PRKAG2: variants seen among roughly 807,000 people sequenced by gnomAD.
The protein encoded by PRKAG2 is 5'-AMP-activated protein kinase subunit gamma-2.
In PRKAG2, 26 loss-of-function variants were observed where a neutral mutation model predicts 69.6. The ratio of observed to expected loss-of-function variants is 0.37; its 90% CI spans 0.27 to 0.52. The LOEUF is 0.52. PRKAG2 is among the 20% of genes least tolerant of loss of function. The pLI is 0.90. For missense variants in PRKAG2, 557 were observed against 740.0 expected, an observed-to-expected ratio of 0.75 and a Z score of 2.87; for synonymous variants, 293 against 285.0, an observed-to-expected ratio of 1.03 and a Z score of -0.28.
chr7:151,757,709 C>T (rs372083290), intron 3 of PRKAG2, among the ~76,000 whole-genome samples: 14 of 152,180 alleles, frequency 9.2e-5, no homozygotes, highest in South Asian at 2.1e-4. Flanking sequence ...GCGTTCCAGA[C>T]GCATTCTGCT....
At chr7:151,727,458 G>A (rs1798172599) in intron 3 of PRKAG2, among the ~76,000 whole-genome samples, 1 of 152,182 alleles carries the variant, frequency 6.6e-6, no homozygotes, top group South Asian at 2.1e-4. Flanking sequence ...GGCAGCAGGA[G>A]ACCAGAGCTG....
chr7:151,655,395 C>G (rs1375129373), intron 4 of PRKAG2, among the ~76,000 whole-genome samples: 2 of 152,190 alleles, frequency 1.3e-5, no homozygotes, highest in African/African-American at 2.4e-5. Context: ...GCAGAATCAC[C>G]TGTGTGTGAA....
intron 1 of PRKAG2, among the ~76,000 whole-genome samples, chr7:151,826,646 G>T (rs778155623): frequency 6.6e-6 from 1 of 152,140 alleles, no homozygotes; most frequent in Non-Finnish European, 1.5e-5. Context: ...TCAAGAAAAA[G>T]TAATGACTGT....
At chr7:151,749,358 C>T (rs1021442355) in intron 3 of PRKAG2, among the ~76,000 whole-genome samples, 1 of 152,140 alleles carries the variant, frequency 6.6e-6, no homozygotes, top group African/African-American at 2.4e-5. Context: ...CTGTAGTCCC[C>T]GGTATCCACC....
Position 151,570,034 on chromosome 7 carries a change from G to A in PRKAG2, c.1106+137C>T, listed in dbSNP as rs548880838. ...TAGTGTTCCTAGATTTACTGAATGC[G>A]TACAGTGTAGCTGGAATTAAGGAGG... is the stretch of plus-strand genomic sequence containing the variant. On this transcript the variant is annotated intron_variant, in intron 10 of 15. Transcript: ENST00000287878. The A allele has an allele frequency of 7.6e-5, 75 of 989,008 alleles. No individual in the cohort carries two copies. In the South Asian group the frequency reaches 7.7e-4, roughly 10 times the overall value. 61.3% of individuals were successfully genotyped at this position (989,008 alleles called of 1,614,324 possible).
chr7:151,575,985 A>T (rs374921296), intron 7 of PRKAG2, among the ~76,000 whole-genome samples: 7 of 142,376 alleles, frequency 4.9e-5, no homozygotes, highest in Non-Finnish European at 7.6e-5. Flanking sequence ...AAAGCAAGGA[A>T]TTTTTTTTTT....
At chr7:151,805,587 T>C (rs1020436344) in intron 1 of PRKAG2, among the ~76,000 whole-genome samples, 2 of 152,224 alleles carry the variant, frequency 1.3e-5, no homozygotes, top group African/African-American at 2.4e-5. Flanking sequence ...CTGGGAATCA[T>C]GGGAGTTCCT....
chr7:151,874,656 G>A (rs1341271651), intron 1 of PRKAG2, among the ~76,000 whole-genome samples: 1 of 152,176 alleles, frequency 6.6e-6, no homozygotes, highest in East Asian at 1.9e-4. Context: ...AGGTCAAGGT[G>A]GGCGGGTCAC....
At chr7:151,736,131 C>A in intron 3 of PRKAG2, 1 of 1,475,882 alleles carries the variant, frequency 6.8e-7, no homozygotes, top group South Asian at 1.3e-5. Context: ...GAGTGGCAGC[C>A]TGTGCTCAGG....
At chr7:151,723,669 T>C (rs879708426) in intron 3 of PRKAG2, among the ~76,000 whole-genome samples, 7 of 152,098 alleles carry the variant, frequency 4.6e-5, no homozygotes, top group Non-Finnish European at 1.0e-4. Flanking sequence ...TGGCAGTAGG[T>C]CCCCCTGTGA....
intron 2 of PRKAG2, among the ~76,000 whole-genome samples, chr7:151,783,094 CG>C (rs2076808472): frequency 6.6e-6 from 1 of 152,186 alleles, no homozygotes; most frequent in East Asian, 1.9e-4. Context: ...GACGTTCTTC[CG>C]CCACTAGAGG....
chr7:151,635,754 T>C (rs1339227123), intron 4 of PRKAG2, among the ~76,000 whole-genome samples: 2 of 152,214 alleles, frequency 1.3e-5, no homozygotes, highest in East Asian at 3.8e-4. Context: ...GTGACCGAAC[T>C]GTTCTACATC....
intron 1 of PRKAG2, among the ~76,000 whole-genome samples, chr7:151,804,430 C>G (rs111624277): frequency 0.013 from 2,039 of 152,242 alleles, 47 homozygotes; most frequent in African/African-American, 0.047. Context: ...CAACAGATCT[C>G]GTGAGAACTC....
chr7:151,607,532 C>A (rs1300700104), intron 5 of PRKAG2, among the ~76,000 whole-genome samples: 1 of 152,076 alleles, frequency 6.6e-6, no homozygotes, highest in Non-Finnish European at 1.5e-5. Flanking sequence ...TTCCAAAGCA[C>A]TGTGGTTATA....
rs74531401 is a variant in PRKAG2, at chr7:151,823,035, C to A, written c.115-36494G>T. ...GACCTGGTTTTCAGACCCCACCCCA[C>A]CCCACCCCACAGCGGAAAACGCAAG... On this transcript the variant is annotated intron_variant, in intron 1 of 15. Coordinates refer to ENST00000287878, the MANE Select transcript of PRKAG2 (RefSeq NM_016203.4). Among the ~76,000 whole-genome samples the A allele has an allele frequency of 1.5e-3, 227 of 150,116 alleles. 4 individuals are homozygous for A. The East Asian group carries it at 0.043, about 28-fold the overall frequency.
intron 3 of PRKAG2, among the ~76,000 whole-genome samples, chr7:151,713,831 C>T (rs1212054469): frequency 6.6e-6 from 1 of 152,130 alleles, no homozygotes; most frequent in Non-Finnish European, 1.5e-5. Context: ...CTACCTCGGC[C>T]TCCCAAAGTG....
chr7:151,724,449 A>G (rs1797601746), intron 3 of PRKAG2, among the ~76,000 whole-genome samples: 1 of 151,920 alleles, frequency 6.6e-6, no homozygotes, highest in South Asian at 2.1e-4. Context: ...TCCCCTCCTG[A>G]GGAAGGGGGT....
At chr7:151,677,078 C>T (rs567039141) in intron 3 of PRKAG2, among the ~76,000 whole-genome samples, 95 of 152,312 alleles carry the variant, frequency 6.2e-4, no homozygotes, top group Non-Finnish European at 1.2e-3. Context: ...TGTTTTAAGC[C>T]ACTCAGTCGG....
chr7:151,626,167 G>A (rs1433608071), intron 5 of PRKAG2, among the ~76,000 whole-genome samples: 4 of 152,140 alleles, frequency 2.6e-5, no homozygotes, highest in Non-Finnish European at 4.4e-5. Context: ...AGTTACTTGC[G>A]AAGACTGGTG....
Sources: allele counts gnomAD v4.1 joint callset (sites outside exome capture counted in the v4.1 genomes callset), GRCh38; gene constraint gnomAD v4.1.1; transcripts MANE v1.5; gene names NCBI Gene and HGNC (gene_info 2026-07-23, HGNC 2026-07-21).